The following DENND1A variants were observed in gnomAD, a reference collection of about 807,000 sequenced individuals.
The protein encoded by DENND1A is DENN domain-containing protein 1A.
Under a neutral mutation model 113.7 loss-of-function variants are expected in DENND1A, and 51 were observed. The ratio of observed to expected loss-of-function variants is 0.45; its 90% CI spans 0.36 to 0.57. The LOEUF is 0.57. DENND1A is among the 20% of genes least tolerant of loss of function. The pLI is 0.00. For missense variants in DENND1A, 1,258 were observed against 1,395.9 expected (o/e 0.90, Z 1.57); for synonymous variants, 565 against 570.8 (o/e 0.99, Z 0.14).
chr9:123,867,464 G>C (rs928419533), intron 2 of DENND1A, among the ~76,000 whole-genome samples: 28 of 152,184 alleles, frequency 1.8e-4, no homozygotes, highest in African/African-American at 5.8e-4. Flanking sequence ...CCTGAAGATC[G>C]GTATTTTTAA....
chr9:123,926,959 G>C (rs1212482184), intron 1 of DENND1A, among the ~76,000 whole-genome samples: 1 of 151,386 alleles, frequency 6.6e-6, no homozygotes, highest in Non-Finnish European at 1.5e-5. Flanking sequence ...GCCTAGACTG[G>C]AACAGGAGGG....
At chr9:123,867,719 G>A (rs995592825) in intron 2 of DENND1A, among the ~76,000 whole-genome samples, 1 of 151,878 alleles carries the variant, frequency 6.6e-6, no homozygotes, top group South Asian at 2.1e-4. Flanking sequence ...AGCTCCCCCA[G>A]TTCTCCCCCT....
At chr9:123,565,005 T>TC (rs1554882357) in intron 12 of DENND1A, among the ~76,000 whole-genome samples, 2 of 142,310 alleles carry the variant, frequency 1.4e-5, no homozygotes, top group African/African-American at 2.9e-5. Flanking sequence ...TTTTTTTTTT[T>TC]CAGATGGAGT....
At chr9:123,639,039 T>TAAAAAAAAAAAAAA (rs750972974) in intron 9 of DENND1A, among the ~76,000 whole-genome samples, 34 of 32,086 alleles carry the variant, frequency 1.1e-3, no homozygotes, top group Non-Finnish European at 1.2e-3. Flanking sequence ...GCATGAGTAG[T>TAAAAAAAAAAAAAA]AAAAAAAAAA....
intron 13 of DENND1A, among the ~76,000 whole-genome samples, chr9:123,468,234 A>G (rs1354369957): frequency 6.6e-6 from 1 of 152,202 alleles, no homozygotes; most frequent in Non-Finnish European, 1.5e-5. Context: ...TAATGTGGGT[A>G]GAGCTACCTG....
intron 11 of DENND1A, among the ~76,000 whole-genome samples, chr9:123,593,897 G>C (rs528542923): frequency 2.0e-5 from 3 of 152,202 alleles, no homozygotes; most frequent in Non-Finnish European, 4.4e-5. Context: ...CTGTTCTTGT[G>C]ATGGTGAGTG....
chr9:123,477,902 T>C (rs1438045890), intron 13 of DENND1A, among the ~76,000 whole-genome samples: 1 of 152,162 alleles, frequency 6.6e-6, no homozygotes, highest in African/African-American at 2.4e-5. Flanking sequence ...ATGGTATTTG[T>C]TGATAGAACG....
In DENND1A at chr9:123,409,678, G is replaced by A. The variant is rs528047440; in HGVS notation, c.1542+2098C>T. Among the ~76,000 whole-genome samples the A allele has an allele frequency of 5.3e-5, 8 of 152,176 alleles. No homozygotes were observed. In the East Asian group the frequency reaches 1.5e-3, roughly 29 times the overall value. ...TGCCTACTTCACTGAGCGACTGTGAGGCGCAGCTGGGATGAGGTACCTAAG... is the reference window on the plus strand; with the variant it reads ...TGCCTACTTCACTGAGCGACTGTGAAGCGCAGCTGGGATGAGGTACCTAAG... On this transcript the variant is annotated intron_variant, in intron 20 of 23. Coordinates refer to ENST00000394215, the MANE Select transcript of DENND1A (RefSeq NM_001352964.2).
rs186906468 is a variant in DENND1A at position 123,927,149 on chromosome 9, T to C, written c.17+2740A>G. Among the ~76,000 whole-genome samples the C allele has an allele frequency of 9.2e-4, 140 of 152,344 alleles. 1 individual carries two copies. The highest frequency in any genetic ancestry group is 3.2e-3 in the African/African-American group (133 of 41,578). ...TCACATTAAGGATTTCCACGGTACC[T>C]GACAGAGATTGTGTTCAACCAGGCT... is the stretch of plus-strand genomic sequence containing the variant. On this transcript the variant is annotated intron_variant, in intron 1 of 23. Transcript: ENST00000394215.
chr9:123,384,391 G>T (rs1267224139), intron 22 of DENND1A, among the ~76,000 whole-genome samples: 1 of 152,242 alleles, frequency 6.6e-6, no homozygotes, highest in African/African-American at 2.4e-5. Flanking sequence ...CTCTCCAGGG[G>T]AGCTGTCTGG....
intron 13 of DENND1A, among the ~76,000 whole-genome samples, chr9:123,541,667 AG>A (rs1485429024): frequency 1.3e-5 from 2 of 152,194 alleles, no homozygotes; most frequent in Non-Finnish European, 2.9e-5. Flanking sequence ...CTCCAGTTAA[AG>A]GGTTTCCAAA....
At chr9:123,687,936 G>A (rs1435203625) in intron 5 of DENND1A, among the ~76,000 whole-genome samples, 1 of 152,170 alleles carries the variant, frequency 6.6e-6, no homozygotes, top group African/African-American at 2.4e-5. Flanking sequence ...TCCTGAAGAG[G>A]ACTGAATCTA....
At chr9:123,747,319 T>C (rs1589915935) in intron 5 of DENND1A, among the ~76,000 whole-genome samples, 3 of 152,262 alleles carry the variant, frequency 2.0e-5, no homozygotes, top group African/African-American at 4.8e-5. Flanking sequence ...AAATGAACAA[T>C]AGGACAATTA....
chr9:123,690,159 A>C (rs978769963), intron 5 of DENND1A, among the ~76,000 whole-genome samples: 2 of 142,376 alleles, frequency 1.4e-5, no homozygotes, highest in Admixed American at 1.4e-4. Context: ...GGAGGGAGGG[A>C]GGAAGGAGGA....
At chr9:123,727,621 G>T (rs1455295756) in intron 5 of DENND1A, among the ~76,000 whole-genome samples, 2 of 151,776 alleles carry the variant, frequency 1.3e-5, no homozygotes, top group East Asian at 3.8e-4. Context: ...TTAAATGATA[G>T]GAAAACACCT....
intron 2 of DENND1A, among the ~76,000 whole-genome samples, chr9:123,834,156 C>T (rs1023740060): frequency 4.6e-5 from 7 of 152,186 alleles, no homozygotes; most frequent in African/African-American, 1.4e-4. Context: ...CAAATTGAGA[C>T]ATTTGATACC....
At chr9:123,921,899 T>C (rs1564512408) in intron 1 of DENND1A, among the ~76,000 whole-genome samples, 1 of 151,278 alleles carries the variant, frequency 6.6e-6, no homozygotes, top group Non-Finnish European at 1.5e-5. Flanking sequence ...ACTTAAAATC[T>C]CTCAAAGCCA....
intron 5 of DENND1A, among the ~76,000 whole-genome samples, chr9:123,733,123 A>G (rs770846410): frequency 5.9e-5 from 9 of 152,058 alleles, no homozygotes; most frequent in Non-Finnish European, 7.4e-5. Context: ...CTGGGATTAT[A>G]GGCACACGCC....
At chr9:123,734,943 A>G in intron 5 of DENND1A, among the ~76,000 whole-genome samples, 1 of 152,194 alleles carries the variant, frequency 6.6e-6, no homozygotes, top group Non-Finnish European at 1.5e-5. Flanking sequence ...ATACGTTATG[A>G]TTTGATCCTC....
Sources: gnomAD v4.1 joint callset for allele counts (sites outside exome capture counted in the v4.1 genomes callset) on GRCh38, gnomAD v4.1.1 for gene constraint, MANE v1.5 for transcripts, NCBI Gene and HGNC (gene_info 2026-07-23, HGNC 2026-07-21) for gene names.